FGF13: variants seen among roughly 807,000 people sequenced by gnomAD.
FGF13 encodes the protein fibroblast growth factor homologous factor 2.
Under a neutral mutation model 19.5 loss-of-function variants are expected in FGF13, and 2 were observed. That is an observed-to-expected ratio of 0.10 (90% CI 0.04 to 0.32). The LOEUF (loss-of-function observed/expected upper bound fraction) is 0.32. Among genes scored for constraint, FGF13 ranks in the 10% least tolerant of loss-of-function variants. The pLI is 1.00. For synonymous variants in FGF13, 72 were observed against 76.9 expected (o/e 0.94, Z 0.33); for missense variants, 113 against 192.7 (o/e 0.59, Z 2.45).
chrX:138,790,770 C>T (rs927979443), intron 3 of FGF13, among the ~76,000 whole-genome samples: 12 of 112,379 alleles, frequency 1.1e-4, no homozygotes, highest in Admixed American at 7.6e-4. Context: ...GCATGCTTTA[C>T]TTCCTCTGTA....
chrX:138,844,296 C>T (rs150210799), intron 3 of FGF13, among the ~76,000 whole-genome samples: 1,625 of 111,898 alleles, frequency 0.015, 12 homozygotes, highest in Non-Finnish European at 0.022. Context: ...TAACTACATT[C>T]AAAAGGATAA....
At chrX:138,887,455 G>A (rs1283928966) in intron 1 of FGF13, among the ~76,000 whole-genome samples, 1 of 111,468 alleles carries the variant, frequency 9.0e-6, no homozygotes, top group African/African-American at 3.3e-5. Flanking sequence ...TAACTAACCA[G>A]GCCTCTTCCT....
Position 138,768,183 on chromosome X carries a change from A to G in FGF13, c.218-59255T>C, listed in dbSNP as rs111399048. 6.7e-3 allele frequency among the ~76,000 whole-genome samples: 754 copies of G among 112,127 alleles called. 3 individuals are homozygous for G. The highest frequency in any genetic ancestry group is 0.023 in the Middle Eastern group (5 of 218). ...CATGGTCACTCTTTCAGGCCTGGCT[A>G]TTTAGAAACTCGTCATTTTAACTTC... is the stretch of plus-strand genomic sequence containing the variant. On this transcript the variant is annotated intron_variant, in intron 3 of 6. Transcript: ENST00000436198.
chrX:138,875,142 G>C (rs1287873582), intron 1 of FGF13, among the ~76,000 whole-genome samples: 1 of 106,530 alleles, frequency 9.4e-6, no homozygotes, highest in Non-Finnish European at 1.9e-5. Context: ...TGAGGCAGGA[G>C]AATCACTTGA....
intron 3 of FGF13, among the ~76,000 whole-genome samples, chrX:138,641,507 C>T (rs1025918074): frequency 1.8e-5 from 2 of 111,989 alleles, no homozygotes; most frequent in African/African-American, 6.5e-5. Context: ...ATCAATTATT[C>T]CCCAGCCTAA....
intron 3 of FGF13, among the ~76,000 whole-genome samples, chrX:138,750,658 G>A (rs1327809877): frequency 9.0e-6 from 1 of 111,293 alleles, no homozygotes. Flanking sequence ...ACATGTGAAT[G>A]CGCACACATA....
Position 139,142,937 on chromosome X carries a change from C to T in FGF13, c.-113+60479G>A, listed in dbSNP as rs182344425. On this transcript the variant is annotated intron_variant, in intron 1 of 2. Transcript: ENST00000421460. ...TCTTGGATGGTTGATATGTCATCAT[C>T]CACATATCACAAAAAGAAATATTTG... Among the ~76,000 whole-genome samples the T allele has an allele frequency of 4.7e-4, 53 of 111,658 alleles. 1 individual carries two copies. The highest frequency in any genetic ancestry group is 1.5e-3 in the African/African-American group (45 of 30,721).
intron 3 of FGF13, among the ~76,000 whole-genome samples, chrX:138,811,320 T>A (rs1256925515): frequency 9.0e-6 from 1 of 110,669 alleles, no homozygotes; most frequent in African/African-American, 3.3e-5. Flanking sequence ...CTGGAAACCA[T>A]CATTCTCAGC....
rs760292504 is a variant in FGF13, at chrX:139,194,969, C to T, written c.-113+8447G>A. Among the ~76,000 whole-genome samples the T allele has an allele frequency of 3.6e-5, 4 of 112,032 alleles. No homozygotes were observed. In the East Asian group the frequency reaches 1.1e-3, roughly 32 times the overall value. ...CCCCACTGCCCACCGCCGCTGCCGC[C>T]GCCAGGAAGGCGCTTTGTCATGCCC... On this transcript the variant is annotated intron_variant, in intron 1 of 2. Transcript: ENST00000421460.
At chrX:138,981,269 A>G (rs1218017612) in intron 1 of FGF13, among the ~76,000 whole-genome samples, 1 of 109,115 alleles carries the variant, frequency 9.2e-6, no homozygotes, top group Non-Finnish European at 1.9e-5. Context: ...CAGGATGTGA[A>G]AGAACTTGGC....
intron 3 of FGF13, among the ~76,000 whole-genome samples, chrX:138,755,499 T>C (rs2090426052): frequency 8.9e-6 from 1 of 112,867 alleles, no homozygotes; most frequent in Non-Finnish European, 1.9e-5. Context: ...TTCAGCTTTT[T>C]CTTTCTCACA....
At chrX:139,107,190 T>C (rs907222682) in intron 1 of FGF13, among the ~76,000 whole-genome samples, 4 of 111,824 alleles carry the variant, frequency 3.6e-5, no homozygotes, top group African/African-American at 6.5e-5. Flanking sequence ...GCCACTATTA[T>C]AAGAGGCACC....
chrX:139,025,245 T>C (rs2092196556), intron 1 of FGF13, among the ~76,000 whole-genome samples: 1 of 111,891 alleles, frequency 8.9e-6, no homozygotes, highest in Non-Finnish European at 1.9e-5. Context: ...TTGGCATCAT[T>C]ACAAATTCCA....
chrX:138,802,226 G>A (rs1414201679), intron 3 of FGF13, among the ~76,000 whole-genome samples: 1 of 112,445 alleles, frequency 8.9e-6, no homozygotes, highest in African/African-American at 3.2e-5. Context: ...GAAACCCACG[G>A]CCCTGGTGGT....
intron 3 of FGF13, among the ~76,000 whole-genome samples, chrX:138,774,828 T>G (rs1308071904): frequency 8.9e-6 from 1 of 112,310 alleles, no homozygotes; most frequent in African/African-American, 3.2e-5. Flanking sequence ...CATAAGAAAC[T>G]GACATTGTTA....
intron 1 of FGF13, among the ~76,000 whole-genome samples, chrX:139,155,998 C>T (rs1055100943): frequency 1.8e-5 from 2 of 111,926 alleles, no homozygotes; most frequent in East Asian, 5.6e-4. Context: ...AGGGTGAGCC[C>T]TGGGCAGCAG....
chrX:138,979,022 G>A (rs1569434760), intron 1 of FGF13, among the ~76,000 whole-genome samples: 1 of 112,283 alleles, frequency 8.9e-6, no homozygotes, highest in African/African-American at 3.2e-5. Flanking sequence ...ACAGGTTTTT[G>A]AATGAAGACT....
intron 3 of FGF13, among the ~76,000 whole-genome samples, chrX:138,800,039 T>C (rs953941727): frequency 9.8e-5 from 11 of 112,094 alleles, no homozygotes; most frequent in Admixed American, 9.5e-4. Context: ...TTTGCGAGTC[T>C]GTGTCTGTTA....
At chrX:138,770,414 G>A (rs897025361) in intron 3 of FGF13, among the ~76,000 whole-genome samples, 11 of 110,404 alleles carry the variant, frequency 1.0e-4, no homozygotes, top group East Asian at 5.7e-4. Context: ...CTGGTGCTGC[G>A]TCACCCTCAA....
Sources: allele counts gnomAD v4.1 joint callset (sites outside exome capture counted in the v4.1 genomes callset), GRCh38; gene constraint gnomAD v4.1.1; transcripts MANE v1.5; gene names NCBI Gene and HGNC (gene_info 2026-07-23, HGNC 2026-07-21).